TGIF1: variants seen among roughly 807,000 people sequenced by gnomAD.
The protein encoded by TGIF1 is homeobox protein TGIF1.
Under a neutral mutation model 19.3 loss-of-function variants are expected in TGIF1, and 4 were observed. That is an observed-to-expected ratio of 0.21 (90% CI 0.10 to 0.47). TGIF1 has a LOEUF of 0.47. TGIF1 is among the 20% of genes least tolerant of loss of function. The pLI is 0.98. For synonymous variants in TGIF1, 122 were observed against 129.3 expected, an observed-to-expected ratio of 0.94 and a Z score of 0.38; for missense variants, 275 against 341.4, an observed-to-expected ratio of 0.81 and a Z score of 1.53.
chr18:3,452,461 T>C, intron 1 of TGIF1: 2 of 1,597,934 alleles, frequency 1.3e-6, no homozygotes, highest in South Asian at 2.2e-5. Context: ...TACCCGGGTT[T>C]CTTTCCCCTT....
chr18:3,438,062 T>C (rs952516318), intron 2 of TGIF1, among the ~76,000 whole-genome samples: 1 of 151,594 alleles, frequency 6.6e-6, no homozygotes, highest in Non-Finnish European at 1.5e-5. Flanking sequence ...CCAACCTGGG[T>C]GACAAGAGCG....
At position 3,451,669 on chromosome 18, in the gene TGIF1, G is replaced by T; in HGVS notation, c.16+1164G>T. ...AGGCCAGCGGGGTTCCTTCGGCTGC[G>T]TTTCTGTGGGAGGCCCTGAAACGCG... is the stretch of plus-strand genomic sequence containing the variant. On this transcript the variant is annotated intron_variant, in intron 1 of 2. Transcript: ENST00000343820. The surrounding 1 kb of genome is among the most constrained non-coding windows in gnomAD (Gnocchi z 5.4). The T allele has an allele frequency of 8.6e-7, 1 of 1,164,928 alleles. No individual in the cohort carries two copies. Among genetic ancestry groups the T allele is most frequent in the East Asian group, 4.0e-5 (1 of 25,092 alleles). 72.2% of individuals were successfully genotyped at this position (1,164,928 alleles called of 1,614,324 possible). A position where few individuals can be genotyped will look rare whatever the true frequency, so the allele number is the denominator to read the frequency against.
chr18:3,417,352 G>A (rs972179162), intron 1 of TGIF1, among the ~76,000 whole-genome samples: 4 of 151,634 alleles, frequency 2.6e-5, no homozygotes, highest in Admixed American at 2.6e-4. Flanking sequence ...TAGAGATGGG[G>A]TTTCACCATG....
chr18:3,452,234 G>A, intron 1 of TGIF1: 1 of 1,609,112 alleles, frequency 6.2e-7, no homozygotes, highest in Middle Eastern at 1.7e-4. Context: ...CTCCTCCACC[G>A]GCGCGCTGCC....
At chr18:3,431,375 G>T (rs1019805755) in intron 2 of TGIF1, among the ~76,000 whole-genome samples, 1 of 152,112 alleles carries the variant, frequency 6.6e-6, no homozygotes, top group Non-Finnish European at 1.5e-5. Context: ...GGTGGAGGTC[G>T]TAGTGAGCAG....
Position 3,457,754 on chromosome 18 carries a change from C to T in TGIF1, c.633C>T (p.Thr211=), listed in dbSNP as rs145648169. 1.9e-6 allele frequency: 3 copies of T among 1,614,054 alleles called. No individual in the cohort carries two copies. The highest frequency in any genetic ancestry group is 1.7e-5 in the Admixed American group (1 of 60,002). The change falls in exon 3 of 3, where the codon ACC becomes ACT. Residue 211 remains threonine, a synonymous_variant. Coordinates refer to ENST00000343820, the MANE Select transcript of TGIF1 (RefSeq NM_003244.4). The surrounding 1 kb of genome is among the most constrained non-coding windows in gnomAD (Gnocchi z 4.9). ...QQIAAKNFTD[T]SLMYPEDTCK... ...TAGCGGCCAAAAACTTCACAGACAC[C>T]TCTCTCATGTACCCAGAGGACACTT...
At chr18:3,440,938 G>A (rs953696293) in intron 2 of TGIF1, among the ~76,000 whole-genome samples, 2 of 152,148 alleles carry the variant, frequency 1.3e-5, no homozygotes, top group Non-Finnish European at 2.9e-5. Context: ...GGATAATATT[G>A]TAGAGTTCTA....
In TGIF1 at chr18:3,432,088, A is replaced by G. The variant is rs541709448; in HGVS notation, c.-45+13873A>G. Among the ~76,000 whole-genome samples the G allele has an allele frequency of 7.5e-5, 11 of 145,926 alleles. No individual in the cohort carries two copies. In the South Asian group the frequency reaches 2.0e-3, roughly 26 times the overall value. On this transcript the variant is annotated intron_variant, in intron 2 of 3. Coordinates refer to the TGIF1 transcript ENST00000401449. ...GATTACAGTGAGCCGAGATTGTGCC[A>G]TTGCACTCCAACCTGGGCAACAGAA...
In TGIF1 at chr18:3,458,506, G is replaced by A. The variant is rs2049435593; in HGVS notation, c.*566G>A. The A allele has an allele frequency of 6.2e-6, 1 of 162,314 alleles. No individual in the cohort carries two copies. 10.1% of individuals were successfully genotyped at this position (162,314 alleles called of 1,614,324 possible). On this transcript the variant is annotated 3_prime_UTR_variant, in exon 3 of 3. Coordinates refer to ENST00000343820, the MANE Select transcript of TGIF1 (RefSeq NM_003244.4). ...GTGAGCAGGAAGCTGGGGGGGTAGG[G>A]TGCAGTGTTAGGGGGTGTCACCAGC...
chr18:3,434,862 T>C (rs1208838782), intron 2 of TGIF1, among the ~76,000 whole-genome samples: 1 of 152,250 alleles, frequency 6.6e-6, no homozygotes, highest in Non-Finnish European at 1.5e-5. Context: ...TTTTGCAAGT[T>C]CTTCCCTTTC....
chr18:3,420,107 G>T (rs1402231900), intron 2 of TGIF1, among the ~76,000 whole-genome samples: 3 of 152,184 alleles, frequency 2.0e-5, no homozygotes, highest in African/African-American at 7.2e-5. Flanking sequence ...GCCAGGCATG[G>T]TGGCTCAAGC....
At chr18:3,423,450 C>T (rs750553138) in intron 2 of TGIF1, among the ~76,000 whole-genome samples, 19 of 151,984 alleles carry the variant, frequency 1.3e-4, no homozygotes, top group South Asian at 4.1e-4. Flanking sequence ...GAGGCCAGGG[C>T]GGGCAGATCA....
In TGIF1 at chr18:3,451,727, C is replaced by G. The variant is rs1158142713; in HGVS notation, c.16+1222C>G. The G allele has an allele frequency of 8.1e-7, 1 of 1,241,712 alleles. No homozygotes were observed. The highest frequency in any genetic ancestry group is 1.6e-5 in the African/African-American group (1 of 64,362). 76.9% of individuals were successfully genotyped at this position (1,241,712 alleles called of 1,614,324 possible). A position where few individuals can be genotyped will look rare whatever the true frequency, so the allele number is the denominator to read the frequency against. On this transcript the variant is annotated intron_variant, in intron 1 of 2. Transcript: ENST00000343820. This position sits in a 1 kb window ranked among gnomAD's most constrained non-coding sequence, Gnocchi z 5.4. ...TCCCTCTGCCTCCAGGCTTTCCCAG[C>G]GAGAGTGAAATTAAACTTGAAACTC...
At chr18:3,430,888 T>G (rs555682159) in intron 2 of TGIF1, among the ~76,000 whole-genome samples, 112 of 152,274 alleles carry the variant, frequency 7.4e-4, no homozygotes, top group Non-Finnish European at 1.5e-3. Context: ...TCAGTAGCTT[T>G]TAATAGGGTG....
chr18:3,444,476 C>G (rs961742014), intron 2 of TGIF1, among the ~76,000 whole-genome samples: 5 of 152,120 alleles, frequency 3.3e-5, no homozygotes, highest in Admixed American at 3.3e-4. Flanking sequence ...CAAGTAAACC[C>G]CAGTGTCTGA....
intron 2 of TGIF1, among the ~76,000 whole-genome samples, chr18:3,430,916 A>G (rs2082538960): frequency 6.6e-6 from 1 of 152,160 alleles, no homozygotes; most frequent in Admixed American, 6.6e-5. Flanking sequence ...CCTGAGCCTA[A>G]AACAATCTGA....
upstream of TGIF1, chr18:3,448,721 T>A (rs2082803342): frequency 3.1e-5 from 11 of 351,006 alleles, no homozygotes; most frequent in Non-Finnish European, 3.8e-5. Context: ...GGGTGTCTTT[T>A]TTTTTTTTTT....
chr18:3,447,654 G>T, upstream of TGIF1: 2 of 1,508,500 alleles, frequency 1.3e-6, no homozygotes, highest in Non-Finnish European at 1.8e-6. Flanking sequence ...TACGGGAGCG[G>T]TTGGGCTGTA....
chr18:3,440,427 C>T (rs1256897891), intron 2 of TGIF1, among the ~76,000 whole-genome samples: 5 of 151,920 alleles, frequency 3.3e-5, no homozygotes, highest in Non-Finnish European at 4.4e-5. Context: ...AAATCCAAAG[C>T]CATTTGGGTT....
Sources: gnomAD v4.1 joint callset for allele counts (sites outside exome capture counted in the v4.1 genomes callset) on GRCh38, gnomAD v4.1.1 for gene constraint, Gnocchi (gnomAD v3.1) non-coding constraint, MANE v1.5 for transcripts, NCBI Gene and HGNC (gene_info 2026-07-23, HGNC 2026-07-21) for gene names.